Variants in CLDN2 observed in about 807,000 individuals in gnomAD.
The protein encoded by CLDN2 is claudin-2.
A neutral mutation model predicts 8.2 loss-of-function variants in CLDN2; 1 was observed. That is an observed-to-expected ratio of 0.12 (90% CI 0.04 to 0.58). CLDN2 has a LOEUF of 0.58. Ranked by LOEUF, CLDN2 falls within the 20% of genes least tolerant of loss-of-function variation. The pLI is 0.90. For missense variants in CLDN2, 108 were observed against 172.9 expected, an observed-to-expected ratio of 0.62 and a Z score of 2.11; for synonymous variants, 70 against 70.2, an observed-to-expected ratio of 1.00 and a Z score of 0.01.
Position 106,930,015 on chromosome X carries a change from T to C in CLDN2, c.*1094T>C, listed in dbSNP as rs1293477754. 2 of 122,849 alleles carry C rather than the reference T, an allele frequency of 1.6e-5. No individual in the cohort carries two copies. The highest frequency in any genetic ancestry group is 5.6e-4 in the East Asian group (2 of 3,542). 10.1% of individuals were successfully genotyped at this position (122,849 alleles called of 1,213,427 possible). A position where few individuals can be genotyped will look rare whatever the true frequency, so the allele number is the denominator to read the frequency against. On this transcript the variant is annotated 3_prime_UTR_variant, in exon 2 of 2. Coordinates refer to ENST00000336803, the MANE Select transcript of CLDN2 (RefSeq NM_020384.4). Reference sequence around the variant, plus strand: ...CCAGTGGGTGTTTCTACTCTGCCAGTGAGAGGCAGCCCCCTAGAAACTCTT... The same window carrying C: ...CCAGTGGGTGTTTCTACTCTGCCAGCGAGAGGCAGCCCCCTAGAAACTCTT...
chrX:106,926,931 A>ACACACAC (rs762073088), intron 1 of CLDN2, among the ~76,000 whole-genome samples: 2 of 31,707 alleles, frequency 6.3e-5, no homozygotes, highest in African/African-American at 1.3e-4. Flanking sequence ...ACACACACAC[A>ACACACAC]AACTAGCCAG....
chrX:106,928,254 T>C lies in CLDN2; in HGVS notation c.26T>C (p.Val9Ala), dbSNP rs771374270. MASLGLQL[V>A]GYILGLLGLL... ...ATGGCCTCTCTTGGCCTCCAACTTG[T>C]GGGCTACATCCTAGGCCTTCTGGGG... is the stretch of plus-strand genomic sequence containing the variant. The change falls in exon 2 of 2, where the codon GTG (valine) becomes GCG (alanine). Residue 9 changes from valine (V) to alanine (A), a missense_variant. By Grantham distance (64) the Val-to-Ala change is moderately conservative. Around this residue, in one of 2 missense-constraint regions of CLDN2, gnomAD observed 27 missense variants for 72.2 expected, o/e 0.37. Coordinates refer to ENST00000336803, the MANE Select transcript of CLDN2 (RefSeq NM_020384.4). 3.3e-6 allele frequency: 4 copies of C among 1,209,628 alleles called. No homozygotes were observed. In the Admixed American group the frequency reaches 8.7e-5, roughly 26 times the overall value.
intron 1 of CLDN2, chrX:106,900,988 C>A: frequency 8.9e-7 from 1 of 1,118,400 alleles, no homozygotes. Context: ...AGAAGCTGGC[C>A]CCTAAACCCC....
chrX:106,909,155 A>C (rs1933216934), intron 1 of CLDN2, among the ~76,000 whole-genome samples: 1 of 112,313 alleles, frequency 8.9e-6, no homozygotes, highest in Non-Finnish European at 1.9e-5. Context: ...ACATTTGTTA[A>C]ACATTTATAC....
intron 1 of CLDN2, among the ~76,000 whole-genome samples, chrX:106,923,464 C>A (rs567876545): frequency 1.1e-3 from 120 of 112,180 alleles, no homozygotes; most frequent in Middle Eastern, 9.2e-3. Context: ...GTTGCATAGT[C>A]TGAACTATGG....
chrX:106,910,155 G>A (rs1343761137), intron 1 of CLDN2, among the ~76,000 whole-genome samples: 2 of 110,551 alleles, frequency 1.8e-5, no homozygotes, highest in Admixed American at 9.7e-5. Context: ...TCAGTAGTGC[G>A]GTCTTTCCTC....
At chrX:106,926,568 A>AATT (rs1933467728) in intron 1 of CLDN2, among the ~76,000 whole-genome samples, 1 of 110,695 alleles carries the variant, frequency 9.0e-6, no homozygotes, top group Non-Finnish European at 1.9e-5. Flanking sequence ...TGGGTTGAAA[A>AATT]ATTAGTGGGT....
At chrX:106,914,241 G>A (rs950058154), upstream of CLDN2, among the ~76,000 whole-genome samples, 27 of 110,902 alleles carry the variant, frequency 2.4e-4, no homozygotes, top group South Asian at 7.7e-4. Context: ...GTGAGCCACC[G>A]CACCCGGCCA....
chrX:106,904,161 A>T (rs748720489), intron 1 of CLDN2, among the ~76,000 whole-genome samples: 5 of 112,366 alleles, frequency 4.4e-5, no homozygotes, highest in Admixed American at 1.9e-4. Flanking sequence ...GTAAGAGATG[A>T]GGGTGCTGGC....
intron 1 of CLDN2, among the ~76,000 whole-genome samples, chrX:106,911,721 A>G (rs896180058): frequency 8.9e-6 from 1 of 112,462 alleles, no homozygotes; most frequent in Non-Finnish European, 1.9e-5. Context: ...GCTGTGGCTT[A>G]ATCTTGTCTC....
chrX:106,926,418 T>G (rs1279291638), intron 1 of CLDN2, among the ~76,000 whole-genome samples: 1 of 110,908 alleles, frequency 9.0e-6, no homozygotes, highest in African/African-American at 3.3e-5. Context: ...GTAGATTAAG[T>G]TATGGGGGCA....
chrX:106,911,734 C>T (rs142300223), intron 1 of CLDN2, among the ~76,000 whole-genome samples: 2,771 of 112,344 alleles, frequency 0.025, 35 homozygotes, highest in Non-Finnish European at 0.037. Context: ...CTTGTCTCCT[C>T]GCTCCCATCA....
At chrX:106,927,451 T>C (rs138395219) in intron 1 of CLDN2, among the ~76,000 whole-genome samples, 1 of 111,155 alleles carries the variant, frequency 9.0e-6, no homozygotes, top group East Asian at 2.9e-4. Flanking sequence ...ATGTTATACA[T>C]GCAGGAGGCC....
intron 1 of CLDN2, among the ~76,000 whole-genome samples, chrX:106,922,671 G>C (rs1032946692): frequency 8.9e-6 from 1 of 112,244 alleles, no homozygotes; most frequent in Non-Finnish European, 1.9e-5. Flanking sequence ...GAGGGCCCAA[G>C]GATGGTTTCA....
In CLDN2 at chrX:106,930,361, G is replaced by A. The variant is rs1407504770; in HGVS notation, c.*1440G>A. On this transcript the variant is annotated 3_prime_UTR_variant, in exon 2 of 2. Transcript: ENST00000336803. ...AAAATGTTCCCTTTACCCTGGAGTG[G>A]GAGTGAGGGGTCATACACCAAAGGT... 1 of 122,841 alleles carries A rather than the reference G, an allele frequency of 8.1e-6. No homozygotes were observed. The highest frequency in any genetic ancestry group is 2.8e-4 in the East Asian group (1 of 3,532). 10.1% of individuals were successfully genotyped at this position (122,841 alleles called of 1,213,427 possible).
intron 1 of CLDN2, among the ~76,000 whole-genome samples, chrX:106,924,780 C>T (rs1439322708): frequency 3.0e-5 from 3 of 99,004 alleles, no homozygotes; most frequent in Admixed American, 2.3e-4. Context: ...GTCTCTCTCT[C>T]CCCCCTTACC....
upstream of CLDN2, among the ~76,000 whole-genome samples, chrX:106,913,890 C>T (rs1053064922): frequency 1.6e-4 from 18 of 109,236 alleles, no homozygotes; most frequent in East Asian, 5.7e-4. Flanking sequence ...AAACCATCAA[C>T]GGCATAGTCA....
At chrX:106,909,877 C>T (rs191206836) in intron 1 of CLDN2, among the ~76,000 whole-genome samples, 1 of 111,711 alleles carries the variant, frequency 9.0e-6, no homozygotes, top group East Asian at 2.9e-4. Context: ...GGTGCGGGCT[C>T]TCTTGGCAGA....
intron 1 of CLDN2, among the ~76,000 whole-genome samples, chrX:106,921,541 C>G (rs1052961981): frequency 1.8e-5 from 2 of 111,873 alleles, no homozygotes; most frequent in Non-Finnish European, 3.8e-5. Context: ...AAGGCCACAT[C>G]AGTTCCTTCC....
Sources: allele counts gnomAD v4.1 joint callset (sites outside exome capture counted in the v4.1 genomes callset), GRCh38; gene constraint gnomAD v4.1.1; regional missense constraint gnomAD v4.1.1; transcripts MANE v1.5; gene names NCBI Gene and HGNC (gene_info 2026-07-23, HGNC 2026-07-21).